Variants in SGCZ observed in about 807,000 individuals in gnomAD.
The protein encoded by SGCZ is zeta-sarcoglycan.
SGCZ carries 40 observed loss-of-function variants against 41.3 expected under a neutral mutation model. The observed-to-expected ratio is 0.97, with a 90% CI of 0.75 to 1.26. The LOEUF (loss-of-function observed/expected upper bound fraction) is 1.26. Ranked by LOEUF, SGCZ falls within the 50% of genes most tolerant of loss-of-function variation. The probability of loss-of-function intolerance (pLI) is 0.00; values close to 1 mark genes in which losing one functional copy is unlikely to be tolerated. For missense variants in SGCZ, 552 were observed against 369.8 expected, an observed-to-expected ratio of 1.49 and a Z score of -4.04; for synonymous variants, 206 against 137.5, an observed-to-expected ratio of 1.50 and a Z score of -3.49.
chr8:14,495,414 C>T (rs533316669), intron 2 of SGCZ, among the ~76,000 whole-genome samples: 1 of 152,050 alleles, frequency 6.6e-6, no homozygotes, highest in Non-Finnish European at 1.5e-5. Flanking sequence ...AGTTTACGGA[C>T]CAAACACTAA....
intron 1 of SGCZ, among the ~76,000 whole-genome samples, chr8:14,885,276 T>A (rs2130731337): frequency 6.6e-6 from 1 of 152,270 alleles, no homozygotes; most frequent in African/African-American, 2.4e-5. Flanking sequence ...ACCAGCACAG[T>A]GGATGATTCA....
chr8:14,567,619 C>A (rs1311944818), intron 1 of SGCZ, among the ~76,000 whole-genome samples: 1 of 152,158 alleles, frequency 6.6e-6, no homozygotes, highest in Non-Finnish European at 1.5e-5. Flanking sequence ...GCAGTGGCAA[C>A]CAGCTGGGGT....
intron 4 of SGCZ, among the ~76,000 whole-genome samples, chr8:14,228,741 C>A (rs547477811): frequency 1.7e-3 from 264 of 152,128 alleles, no homozygotes; most frequent in Admixed American, 2.6e-3. Flanking sequence ...TATCCTATCA[C>A]CCTCATTTAT....
intron 1 of SGCZ, among the ~76,000 whole-genome samples, chr8:15,184,215 T>C (rs1343172071): frequency 2.6e-5 from 4 of 152,218 alleles, no homozygotes; most frequent in African/African-American, 9.6e-5. Context: ...CTGTCACTAG[T>C]AGAACTTCTG....
intron 1 of SGCZ, among the ~76,000 whole-genome samples, chr8:14,929,297 T>G (rs1032562672): frequency 1.3e-5 from 2 of 152,182 alleles, no homozygotes; most frequent in Non-Finnish European, 2.9e-5. Context: ...GGCCAATGAC[T>G]GCATTTTTAA....
chr8:14,586,780 A>G (rs529552572), intron 1 of SGCZ, among the ~76,000 whole-genome samples: 1 of 152,272 alleles, frequency 6.6e-6, no homozygotes, highest in African/African-American at 2.4e-5. Context: ...AGCATTATGC[A>G]TAATATTATT....
intron 1 of SGCZ, among the ~76,000 whole-genome samples, chr8:14,817,175 C>T (rs1801930322): frequency 6.6e-6 from 1 of 152,194 alleles, no homozygotes; most frequent in Non-Finnish European, 1.5e-5. Flanking sequence ...AGACTGCCTC[C>T]TTCTGTGTGT....
chr8:14,818,699 T>A lies in SGCZ; in HGVS notation c.40-263773A>T, dbSNP rs554659603. 2.0e-5 allele frequency among the ~76,000 whole-genome samples: 3 copies of A among 152,062 alleles called. No homozygotes were observed. The South Asian group carries it at 6.2e-4, about 32-fold the overall frequency. On this transcript the variant is annotated intron_variant, in intron 1 of 7. Transcript: ENST00000382080. ...AATTCACTGAAGTCAAGAAAACAAT[T>A]TATGGTCTAAATGAGAAATTCAACA...
At chr8:14,254,716 A>G (rs1799401888) in intron 3 of SGCZ, among the ~76,000 whole-genome samples, 1 of 151,948 alleles carries the variant, frequency 6.6e-6, no homozygotes, top group Admixed American at 6.6e-5. Context: ...ATGCATACTT[A>G]CCATTTTAGA....
chr8:14,464,244 TGG>T (rs1446152234), intron 2 of SGCZ, among the ~76,000 whole-genome samples: 1 of 151,226 alleles, frequency 6.6e-6, no homozygotes, highest in Non-Finnish European at 1.5e-5. Flanking sequence ...CCATCAAATC[TGG>T]GGCTTTTCTT....
chr8:14,345,839 T>A (rs1802874847), intron 2 of SGCZ, among the ~76,000 whole-genome samples: 1 of 152,072 alleles, frequency 6.6e-6, no homozygotes, highest in African/African-American at 2.4e-5. Flanking sequence ...TGTGACTTGA[T>A]CAAATCCCTC....
At chr8:14,384,669 C>G (rs1804503275) in intron 2 of SGCZ, among the ~76,000 whole-genome samples, 1 of 152,154 alleles carries the variant, frequency 6.6e-6, no homozygotes, top group African/African-American at 2.4e-5. Flanking sequence ...AAGCAATTGT[C>G]CTGCCTCAGC....
intron 1 of SGCZ, among the ~76,000 whole-genome samples, chr8:14,919,305 G>C (rs968611616): frequency 2.0e-5 from 3 of 152,008 alleles, no homozygotes; most frequent in African/African-American, 7.2e-5. Context: ...GCTGGGTGTC[G>C]TGGCATGTGC....
intron 1 of SGCZ, among the ~76,000 whole-genome samples, chr8:14,644,780 G>C (rs577659026): frequency 1.3e-5 from 2 of 151,738 alleles, no homozygotes; most frequent in East Asian, 1.9e-4. Context: ...AACAAATCTA[G>C]TTCTACCTGT....
chr8:15,167,856 G>A (rs1206472438), intron 1 of SGCZ, among the ~76,000 whole-genome samples: 1 of 152,156 alleles, frequency 6.6e-6, no homozygotes, highest in Non-Finnish European at 1.5e-5. Context: ...ACGAGGGATG[G>A]GTAATGTACA....
At chr8:14,680,513 A>G (rs28478773) in intron 1 of SGCZ, among the ~76,000 whole-genome samples, 30,331 of 151,942 alleles carry the variant, frequency 0.2, 3,682 homozygotes, top group East Asian at 0.44. Flanking sequence ...TCTAAAAATT[A>G]TCTATTAAAA....
At chr8:14,691,133 C>T (rs1808785961) in intron 1 of SGCZ, among the ~76,000 whole-genome samples, 1 of 152,078 alleles carries the variant, frequency 6.6e-6, no homozygotes. Context: ...TAAACAAATT[C>T]CTACATAACA....
intron 2 of SGCZ, among the ~76,000 whole-genome samples, chr8:14,422,434 G>C: frequency 6.6e-6 from 1 of 152,116 alleles, no homozygotes; most frequent in East Asian, 1.9e-4. Flanking sequence ...CTGTATTGGA[G>C]ACAATTTTAG....
intron 2 of SGCZ, among the ~76,000 whole-genome samples, chr8:14,388,011 G>C (rs541010744): frequency 6.6e-6 from 1 of 152,208 alleles, no homozygotes; most frequent in Admixed American, 6.5e-5. Context: ...ATATAAAATT[G>C]TAAGAAAAAC....
Sources: gnomAD v4.1 joint callset for allele counts (sites outside exome capture counted in the v4.1 genomes callset) on GRCh38, gnomAD v4.1.1 for gene constraint, MANE v1.5 for transcripts, NCBI Gene and HGNC (gene_info 2026-07-23, HGNC 2026-07-21) for gene names.